The following NRXN3 variants were observed in gnomAD, a reference collection of about 807,000 sequenced individuals.
The protein encoded by NRXN3 is neurexin 3.
In NRXN3, 32 loss-of-function variants were observed where a neutral mutation model predicts 137.6. The observed-to-expected ratio is 0.23, with a 90% CI of 0.18 to 0.31. NRXN3 has a LOEUF of 0.31. Among genes scored for constraint, NRXN3 ranks in the 10% least tolerant of loss-of-function variants. The pLI is 1.00. For missense variants in NRXN3, 1,574 were observed against 2,062.5 expected (o/e 0.76, Z 4.59); for synonymous variants, 798 against 784.5 (o/e 1.02, Z -0.29).
intron 15 of NRXN3, among the ~76,000 whole-genome samples, chr14:79,211,305 C>T (rs2067627254): frequency 6.6e-6 from 1 of 152,148 alleles, no homozygotes; most frequent in Admixed American, 6.5e-5. Flanking sequence ...TGGCACTTCA[C>T]AAGTGCTCAA....
chr14:78,309,519 G>A (rs73312529), intron 4 of NRXN3, among the ~76,000 whole-genome samples: 8,838 of 151,514 alleles, frequency 0.058, 577 homozygotes, highest in African/African-American at 0.16. Flanking sequence ...TGTACTCAAT[G>A]TTTAGAGATG....
intron 15 of NRXN3, among the ~76,000 whole-genome samples, chr14:79,275,974 C>A (rs1430404701): frequency 6.6e-6 from 1 of 152,018 alleles, no homozygotes; most frequent in Non-Finnish European, 1.5e-5. Context: ...TATTTCTCTT[C>A]TTTTCTATCT....
intron 15 of NRXN3, among the ~76,000 whole-genome samples, chr14:79,069,936 AT>A (rs1214943570): frequency 6.8e-6 from 1 of 146,980 alleles, no homozygotes; most frequent in African/African-American, 2.5e-5. Context: ...CAATATGATA[AT>A]TTGTAAGTGA....
rs1416635645 is a variant in NRXN3 at position 79,301,042 on chromosome 14, C to T, written c.3263-166179C>T. On this transcript the variant is annotated intron_variant, in intron 15 of 20. Coordinates refer to ENST00000335750, the MANE Select transcript of NRXN3 (RefSeq NM_001330195.2). Reference sequence around the variant, plus strand: ...ACAAGCACATTGCTTCTACTAGTTGCAGGGACATAATTACCAATTTCATAT... The same window carrying T: ...ACAAGCACATTGCTTCTACTAGTTGTAGGGACATAATTACCAATTTCATAT... Among the ~76,000 whole-genome samples, 3 of 152,210 alleles carry T rather than the reference C, an allele frequency of 2.0e-5. No individual in the cohort carries two copies. The East Asian group carries it at 5.8e-4, about 29-fold the overall frequency.
intron 16 of NRXN3, among the ~76,000 whole-genome samples, chr14:79,619,822 GA>G (rs775944451): frequency 3.3e-5 from 5 of 152,114 alleles, no homozygotes; most frequent in Non-Finnish European, 7.4e-5. Flanking sequence ...CCATATGCAT[GA>G]AAAGATAAAT....
At chr14:79,324,744 A>G (rs2090595053) in intron 15 of NRXN3, among the ~76,000 whole-genome samples, 1 of 152,242 alleles carries the variant, frequency 6.6e-6, no homozygotes, top group Non-Finnish European at 1.5e-5. Flanking sequence ...GTGGAGTTAT[A>G]AATAGAATTG....
intron 15 of NRXN3, among the ~76,000 whole-genome samples, chr14:79,349,886 A>G (rs2093118358): frequency 6.6e-6 from 1 of 152,162 alleles, no homozygotes; most frequent in Non-Finnish European, 1.5e-5. Flanking sequence ...GGCCTAGAGC[A>G]GCTCTTAGAA....
chr14:78,967,453 A>G, intron 13 of NRXN3, 55 bp downstream of exon 13: 7 of 1,321,144 alleles, frequency 5.3e-6, no homozygotes, highest in Middle Eastern at 1.9e-4. Context: ...CAATAGATAG[A>G]CTATTTCCAG....
intron 15 of NRXN3, among the ~76,000 whole-genome samples, chr14:79,393,692 A>G (rs1301300024): frequency 3.3e-5 from 5 of 152,024 alleles, no homozygotes; most frequent in Non-Finnish European, 7.4e-5. Flanking sequence ...GCGGGCGCCT[A>G]TAGTCCCAGC....
intron 10 of NRXN3, among the ~76,000 whole-genome samples, chr14:78,837,820 C>T (rs191408839): frequency 9.9e-4 from 150 of 152,202 alleles, no homozygotes; most frequent in Non-Finnish European, 7.9e-4. Flanking sequence ...TACAGTGTTC[C>T]AGAAAACATA....
At chr14:79,348,460 C>G (rs2093017988) in intron 15 of NRXN3, among the ~76,000 whole-genome samples, 1 of 151,404 alleles carries the variant, frequency 6.6e-6, no homozygotes, top group Non-Finnish European at 1.5e-5. Context: ...ACTGCAAGCT[C>G]CGCCTCCCGG....
At chr14:78,567,039 T>C (rs753431976) in intron 4 of NRXN3, among the ~76,000 whole-genome samples, 2 of 152,128 alleles carry the variant, frequency 1.3e-5, no homozygotes, top group African/African-American at 2.4e-5. Flanking sequence ...TCAGACATGA[T>C]GTATGGAGAC....
At chr14:79,214,634 G>C (rs957002033) in intron 15 of NRXN3, among the ~76,000 whole-genome samples, 2 of 152,098 alleles carry the variant, frequency 1.3e-5, no homozygotes, top group Non-Finnish European at 2.9e-5. Context: ...CAACTTACTT[G>C]TCTTTTTGCT....
intron 8 of NRXN3, among the ~76,000 whole-genome samples, chr14:78,776,454 G>A (rs1320424264): frequency 6.6e-6 from 1 of 152,066 alleles, no homozygotes; most frequent in Non-Finnish European, 1.5e-5. Context: ...GGGGATATAG[G>A]ATTTAGAGAA....
chr14:79,100,697 G>A (rs1000914441), intron 15 of NRXN3, among the ~76,000 whole-genome samples: 4 of 152,148 alleles, frequency 2.6e-5, no homozygotes, highest in African/African-American at 9.7e-5. Context: ...CACCCCATGG[G>A]ACTTGATGAT....
chr14:78,795,744 C>A (rs547049149), intron 8 of NRXN3, among the ~76,000 whole-genome samples: 2 of 152,232 alleles, frequency 1.3e-5, no homozygotes, highest in East Asian at 3.9e-4. Context: ...GCTTAGCAGA[C>A]CTTCTCTGTG....
At chr14:78,697,830 C>A (rs2098242253) in intron 6 of NRXN3, 1 of 152,012 alleles carries the variant, frequency 6.6e-6, no homozygotes, top group African/African-American at 2.4e-5. Flanking sequence ...ATTCTGTTAT[C>A]AGCTACCTGC....
chr14:78,413,648 C>G (rs1374784301), intron 4 of NRXN3, among the ~76,000 whole-genome samples: 1 of 152,172 alleles, frequency 6.6e-6, no homozygotes, highest in Non-Finnish European at 1.5e-5. Flanking sequence ...CCAGATGTCT[C>G]CAGGTGAAGT....
chr14:78,781,375 A>T (rs753897482), intron 8 of NRXN3, among the ~76,000 whole-genome samples: 12 of 152,228 alleles, frequency 7.9e-5, no homozygotes, highest in Non-Finnish European at 1.6e-4. Flanking sequence ...AAACAAATAT[A>T]CCAGAATGTT....
Sources: gnomAD v4.1 joint callset for allele counts (sites outside exome capture counted in the v4.1 genomes callset) on GRCh38, gnomAD v4.1.1 for gene constraint, MANE v1.5 for transcripts, NCBI Gene and HGNC (gene_info 2026-07-23, HGNC 2026-07-21) for gene names.